The following POU3F3 variants were observed in gnomAD, a reference collection of about 807,000 sequenced individuals.
POU3F3 encodes POU domain, class 3, transcription factor 3.
A neutral mutation model predicts 8.6 loss-of-function variants in POU3F3; 1 was observed. The observed-to-expected ratio is 0.12, with a 90% CI of 0.04 to 0.55. POU3F3 has a LOEUF of 0.55. Among genes scored for constraint, POU3F3 ranks in the 20% least tolerant of loss-of-function variants. The pLI, the probability that POU3F3 is intolerant of heterozygous loss-of-function variation, is 0.91. For missense variants in POU3F3, 577 were observed against 690.7 expected, an observed-to-expected ratio of 0.84 and a Z score of 1.84; for synonymous variants, 418 against 327.4, an observed-to-expected ratio of 1.28 and a Z score of -2.99.
At chr2:104,882,876 C>T in the POU3F3 span, among the ~76,000 whole-genome samples, 27 of 152,188 alleles carry the variant, frequency 1.8e-4, no homozygotes, top group African/African-American at 5.1e-4. Context: ...AGAAATATCA[C>T]AGAACAAAGT....
chr2:104,886,072 T>C, the POU3F3 span, among the ~76,000 whole-genome samples: 1 of 152,100 alleles, frequency 6.6e-6, no homozygotes, highest in Non-Finnish European at 1.5e-5. Context: ...GCTGGGATTA[T>C]AGGCGTGAGC....
At chr2:104,921,143 C>T in the POU3F3 span, among the ~76,000 whole-genome samples, 1 of 152,106 alleles carries the variant, frequency 6.6e-6, no homozygotes, top group Non-Finnish European at 1.5e-5. Flanking sequence ...AAGAGGACCA[C>T]ACAATGGGAG....
the POU3F3 span, among the ~76,000 whole-genome samples, chr2:104,874,858 A>G: frequency 6.6e-6 from 1 of 152,060 alleles, no homozygotes; most frequent in Non-Finnish European, 1.5e-5. Context: ...TACCATTTTT[A>G]CCCTTTTATG....
chr2:104,919,331 C>A, the POU3F3 span, among the ~76,000 whole-genome samples: 1 of 152,180 alleles, frequency 6.6e-6, no homozygotes, highest in African/African-American at 2.4e-5. Context: ...GGACTTAATC[C>A]ATTCCTTCTG....
chr2:104,858,256 A>C lies in POU3F3; in HGVS notation c.*1243A>C, dbSNP rs1226657356. ...GCAGTGTTTTTGGTAGGTTTTAATA[A>C]ACAGACTTTTCAAAAGACGGCAATA... On this transcript the variant is annotated 3_prime_UTR_variant, in exon 1 of 1. Transcript: ENST00000361360. 1 of 152,158 alleles carries C rather than the reference A, an allele frequency of 6.6e-6. No homozygotes were observed. The highest frequency in any genetic ancestry group is 2.4e-5 in the African/African-American group (1 of 41,426). The allele number at this position is 152,158 out of a possible 1,614,324, so 9.4% of individuals were successfully genotyped here.
At chr2:104,859,407 C>T (rs886866014), downstream of POU3F3, among the ~76,000 whole-genome samples, 1 of 152,192 alleles carries the variant, frequency 6.6e-6, no homozygotes, top group African/African-American at 2.4e-5. Flanking sequence ...GTTGTGAGTA[C>T]TTAAGACGCT....
the POU3F3 span, among the ~76,000 whole-genome samples, chr2:104,895,233 T>C: frequency 6.6e-6 from 1 of 152,176 alleles, no homozygotes; most frequent in Non-Finnish European, 1.5e-5. Context: ...CCAATCAAAC[T>C]TGATGAAAAC....
At chr2:104,920,159 C>T in the POU3F3 span, among the ~76,000 whole-genome samples, 832 of 152,262 alleles carry the variant, frequency 5.5e-3, 10 homozygotes, top group African/African-American at 0.019. Context: ...GAATTACAGG[C>T]GCATGCCATC....
the POU3F3 span, among the ~76,000 whole-genome samples, chr2:104,874,275 A>G: frequency 3.5e-4 from 53 of 152,272 alleles, 1 homozygote; most frequent in African/African-American, 1.2e-3. Flanking sequence ...TCTGGAGAGG[A>G]CAAAGGAAGT....
In POU3F3 at chr2:104,855,646, G is replaced by A; in HGVS notation, c.136G>A (p.Gly46Ser). 1.0e-6 allele frequency: 1 copy of A among 992,916 alleles called. No individual in the cohort carries two copies. Among genetic ancestry groups the A allele is most frequent in the Non-Finnish European group, 1.2e-6 (1 of 835,052 alleles). The allele number at this position is 992,916 out of a possible 1,614,324, so 61.5% of individuals were successfully genotyped here. A position where few individuals can be genotyped will look rare whatever the true frequency, so the allele number is the denominator to read the frequency against. ...GGGGGGGGAG[G>S]GGGGMQPGSA... ...CGGCGGCGGCGGGGGCGGCGCAGGG[G>A]GCGGGGGCGGCGGCATGCAGCCGGG... Residue 46 changes from glycine to serine, a missense_variant, in exon 1 of 1, where the codon GGC becomes AGC. By Grantham distance (56) the Gly-to-Ser change is moderately conservative. This residue lies in a region of POU3F3 where 484 missense variants were observed against 422.6 expected (regional missense o/e 1.15). Coordinates refer to ENST00000361360, the MANE Select transcript of POU3F3 (RefSeq NM_006236.3).
chr2:104,856,086 TGCCGCAGCCGCAGCCGCCGCCGCCGCC>T lies in POU3F3; in HGVS notation c.582_608del (p.Ala196_Ala204del). On this transcript the variant is annotated inframe_deletion, in exon 1 of 1. Transcript: ENST00000361360. ...CTGGGGGCTGGGGGGCGGCCGCCGCTGCCGCAGCCGCAGCCGCCGCCGCCGCCGCCGCCGCGCACCTCCCGTCCATGG... is the reference window on the plus strand; with the variant it reads ...CTGGGGGCTGGGGGGCGGCCGCCGCTGCCGCCGCGCACCTCCCGTCCATGG... 9.8e-7 allele frequency: 1 copy of T among 1,015,864 alleles called. No individual in the cohort carries two copies. The highest frequency in any genetic ancestry group is 1.2e-6 in the Non-Finnish European group (1 of 861,336). 62.9% of individuals were successfully genotyped at this position (1,015,864 alleles called of 1,614,324 possible). A position where few individuals can be genotyped will look rare whatever the true frequency, so the allele number is the denominator to read the frequency against.
the POU3F3 span, among the ~76,000 whole-genome samples, chr2:104,927,097 A>ATATATG: frequency 6.6e-6 from 1 of 152,206 alleles, no homozygotes; most frequent in Non-Finnish European, 1.5e-5. Context: ...AGAACTTAAA[A>ATATATG]TATATGTATA....
chr2:104,916,571 A>G, the POU3F3 span, among the ~76,000 whole-genome samples: 1 of 152,156 alleles, frequency 6.6e-6, no homozygotes, highest in Non-Finnish European at 1.5e-5. Flanking sequence ...GCCTTATGAC[A>G]TGGTGTTTGA....
chr2:104,923,629 A>G, the POU3F3 span, among the ~76,000 whole-genome samples: 3 of 152,236 alleles, frequency 2.0e-5, no homozygotes, highest in South Asian at 2.1e-4. Context: ...CAAAAAAGCT[A>G]TAAGGCATAT....
the POU3F3 span, among the ~76,000 whole-genome samples, chr2:104,922,356 A>G: frequency 6.6e-6 from 1 of 150,636 alleles, no homozygotes; most frequent in African/African-American, 2.4e-5. Context: ...CAGCCTTGCT[A>G]GACAAAGACT....
the POU3F3 span, among the ~76,000 whole-genome samples, chr2:104,901,345 A>G: frequency 2.0e-5 from 3 of 152,218 alleles, no homozygotes; most frequent in African/African-American, 7.2e-5. Context: ...AATATAATAA[A>G]TTCCTGCAAA....
the POU3F3 span, among the ~76,000 whole-genome samples, chr2:104,874,627 G>A: frequency 1.3e-5 from 2 of 152,122 alleles, no homozygotes; most frequent in African/African-American, 4.8e-5. Context: ...GAGGCATCCG[G>A]AAGTAGCTGG....
chr2:104,869,530 G>A, the POU3F3 span, among the ~76,000 whole-genome samples: 2 of 152,204 alleles, frequency 1.3e-5, no homozygotes, highest in African/African-American at 4.8e-5. Context: ...GAGACAAATA[G>A]CTTCTGGTAT....
chr2:104,921,628 C>T, the POU3F3 span, among the ~76,000 whole-genome samples: 1 of 152,116 alleles, frequency 6.6e-6, no homozygotes, highest in African/African-American at 2.4e-5. Context: ...TTTAATAGGC[C>T]AGTGCCCTCC....
Sources: gnomAD v4.1 joint callset for allele counts (sites outside exome capture counted in the v4.1 genomes callset) on GRCh38, gnomAD v4.1.1 for gene constraint, gnomAD v4.1.1 regional missense constraint, MANE v1.5 for transcripts, NCBI Gene and HGNC (gene_info 2026-07-23, HGNC 2026-07-21) for gene names.